DTNB: variants seen among roughly 807,000 people sequenced by gnomAD.
DTNB encodes the protein dystrobrevin beta.
DTNB carries 63 observed loss-of-function variants against 90.7 expected under a neutral mutation model. The ratio of observed to expected loss-of-function variants is 0.69; its 90% CI spans 0.57 to 0.86. The LOEUF (loss-of-function observed/expected upper bound fraction) is 0.86, where lower values mean the gene tolerates loss of function less well. Ranked by LOEUF, DTNB falls within the 40% of genes least tolerant of loss-of-function variation. The pLI is 0.00. For synonymous variants in DTNB, 277 were observed against 286.7 expected (o/e 0.97, Z 0.34); for missense variants, 744 against 807.1 (o/e 0.92, Z 0.95).
At chr2:25,569,793 T>C (rs1486085936) in intron 8 of DTNB, among the ~76,000 whole-genome samples, 1 of 152,054 alleles carries the variant, frequency 6.6e-6, no homozygotes, top group African/African-American at 2.4e-5. Flanking sequence ...AAAATTCCAA[T>C]AGGAACTACT....
intron 4 of DTNB, among the ~76,000 whole-genome samples, chr2:25,610,280 A>C (rs547570539): frequency 6.6e-5 from 10 of 152,258 alleles, no homozygotes; most frequent in African/African-American, 2.4e-4. Context: ...CTGGCTTGAA[A>C]GATTTTTAAA....
At chr2:25,386,519 C>T (rs1214609572) in intron 18 of DTNB, among the ~76,000 whole-genome samples, 1 of 152,220 alleles carries the variant, frequency 6.6e-6, no homozygotes, top group Admixed American at 6.5e-5. Context: ...TAACACAAAA[C>T]ATGGAGACCC....
chr2:25,457,373 C>T (rs181496755), intron 10 of DTNB, among the ~76,000 whole-genome samples: 2 of 152,230 alleles, frequency 1.3e-5, no homozygotes, highest in Non-Finnish European at 1.5e-5. Flanking sequence ...CTAAGGATCC[C>T]TCGTTCCGTT....
chr2:25,388,246 G>T lies in DTNB; in HGVS notation c.1691C>A (p.Ser564Ter). The T allele has an allele frequency of 6.2e-7, 1 of 1,604,968 alleles. No homozygotes were observed. The highest frequency in any genetic ancestry group is 8.5e-7 in the Non-Finnish European group (1 of 1,176,234). Reference protein sequence around the residue: ...GSTPTHCPQDSLSGVGGDVQE... With the variant: ...GSTPTHCPQD ...CACGTCTCCCCCGACTCCGCTCAGC[G>T]AGTCCTGCGGACAGTGGGTGGGGGT... Residue 564 changes from serine to a stop codon, truncating the protein, a stop_gained, in exon 17 of 21, where the codon TCG becomes TAG. Transcript: ENST00000406818. LOFTEE classifies it high-confidence loss of function.
chr2:25,444,212 C>A (rs1295611711), intron 12 of DTNB, among the ~76,000 whole-genome samples: 1 of 152,140 alleles, frequency 6.6e-6, no homozygotes, highest in Non-Finnish European at 1.5e-5. Flanking sequence ...CAATTTACCA[C>A]ACATTATAGT....
At chr2:25,549,931 G>C (rs539181864) in intron 8 of DTNB, among the ~76,000 whole-genome samples, 1 of 152,184 alleles carries the variant, frequency 6.6e-6, no homozygotes, top group East Asian at 1.9e-4. Flanking sequence ...AAAGTGCTGG[G>C]ATTACAGGTG....
Position 25,649,438 on chromosome 2 carries a change from G to C in DTNB, c.67+3156C>G, listed in dbSNP as rs192244380. Among the ~76,000 whole-genome samples the C allele has an allele frequency of 4.6e-5, 7 of 152,336 alleles. No homozygotes were observed. In the South Asian group the frequency reaches 6.2e-4, roughly 14 times the overall value. On this transcript the variant is annotated intron_variant, in intron 2 of 20. Transcript: ENST00000406818. ...TTAAAAATGGTATAGTTACTGGCCAGGCACGGTAGTTCATACCTGTAATCC... is the reference window on the plus strand; with the variant it reads ...TTAAAAATGGTATAGTTACTGGCCACGCACGGTAGTTCATACCTGTAATCC...
chr2:25,522,740 G>A (rs567600016), intron 9 of DTNB, among the ~76,000 whole-genome samples: 23 of 144,970 alleles, frequency 1.6e-4, no homozygotes, highest in East Asian at 1.4e-3. Flanking sequence ...TTGCTCTGTC[G>A]CCCAGGATAG....
chr2:25,604,184 GCCA>G (rs1209534033), intron 5 of DTNB, among the ~76,000 whole-genome samples: 8 of 151,682 alleles, frequency 5.3e-5, no homozygotes, highest in Non-Finnish European at 1.0e-4. Context: ...AACCACTGCC[GCCA>G]CCACCACCAC....
chr2:25,458,222 CAG>C lies in DTNB; in HGVS notation c.1080-2730_1080-2729del, dbSNP rs556631309. Among the ~76,000 whole-genome samples the C allele has an allele frequency of 1.3e-4, 20 of 152,210 alleles. 1 individual carries two copies. In the East Asian group the frequency reaches 3.5e-3, roughly 26 times the overall value. On this transcript the variant is annotated intron_variant, in intron 10 of 20. Coordinates refer to ENST00000406818, the MANE Select transcript of DTNB (RefSeq NM_021907.5). ...TCCGAAATAGATGATTCTGATGACTCAGATGATTCTGATGTTAGTTCTGTTTA... is the reference window on the plus strand; with the variant it reads ...TCCGAAATAGATGATTCTGATGACTCATGATTCTGATGTTAGTTCTGTTTA...
chr2:25,632,463 C>T (rs1462998307), intron 3 of DTNB, among the ~76,000 whole-genome samples: 1 of 152,100 alleles, frequency 6.6e-6, no homozygotes, highest in African/African-American at 2.4e-5. Context: ...AATCTAATCC[C>T]CAGTGTGGCA....
At chr2:25,656,224 T>C (rs922077609) in intron 1 of DTNB, among the ~76,000 whole-genome samples, 3 of 152,196 alleles carry the variant, frequency 2.0e-5, no homozygotes, top group African/African-American at 7.2e-5. Context: ...AAATCCAAAT[T>C]AATGGGATAC....
rs529452508 is a variant in DTNB at position 25,434,962 on chromosome 2, A to T, written c.1258-967T>A. 3.3e-5 allele frequency among the ~76,000 whole-genome samples: 5 copies of T among 152,272 alleles called. No individual in the cohort carries two copies. In the East Asian group the frequency reaches 7.7e-4, roughly 23 times the overall value. On this transcript the variant is annotated intron_variant, in intron 12 of 20. Transcript: ENST00000406818. ...TCAAGTTCTCAATAGTAAATTTTTT[A>T]AAAATTAAGATATAATTTTCCTACC...
intron 6 of DTNB, among the ~76,000 whole-genome samples, chr2:25,595,609 C>A (rs2064427849): frequency 6.6e-6 from 1 of 152,086 alleles, no homozygotes; most frequent in Non-Finnish European, 1.5e-5. Flanking sequence ...GTCAAGACCA[C>A]CAGAAGGAAA....
At chr2:25,548,623 C>A (rs1053903935) in intron 8 of DTNB, among the ~76,000 whole-genome samples, 3 of 151,528 alleles carry the variant, frequency 2.0e-5, no homozygotes, top group African/African-American at 2.4e-5. Context: ...GCGCAGTCAG[C>A]CTGGAGTGGA....
intron 9 of DTNB, among the ~76,000 whole-genome samples, chr2:25,485,467 T>G (rs1318533382): frequency 1.3e-5 from 2 of 152,218 alleles, no homozygotes; most frequent in African/African-American, 4.8e-5. Flanking sequence ...ACAAACATCT[T>G]TATAATCAAT....
chr2:25,539,869 A>G (rs769132842), intron 8 of DTNB, among the ~76,000 whole-genome samples: 3 of 152,180 alleles, frequency 2.0e-5, no homozygotes, highest in African/African-American at 7.2e-5. Context: ...TTAAATCTGA[A>G]TCTACTTAGA....
intron 10 of DTNB, among the ~76,000 whole-genome samples, chr2:25,466,030 GTTA>G (rs2061711496): frequency 2.6e-5 from 4 of 152,094 alleles, no homozygotes; most frequent in African/African-American, 9.7e-5. Context: ...GAAATAATCA[GTTA>G]CTTCTAAAGA....
chr2:25,462,435 C>T (rs2061109081), intron 10 of DTNB, among the ~76,000 whole-genome samples: 1 of 152,038 alleles, frequency 6.6e-6, no homozygotes, highest in Non-Finnish European at 1.5e-5. Flanking sequence ...ATGTACCAAG[C>T]AGGAGGCAGT....
Sources: gnomAD v4.1 joint callset for allele counts (sites outside exome capture counted in the v4.1 genomes callset) on GRCh38, gnomAD v4.1.1 for gene constraint, MANE v1.5 for transcripts, NCBI Gene and HGNC (gene_info 2026-07-23, HGNC 2026-07-21) for gene names.